The following PIP5K1C variants were observed in gnomAD, a reference collection of about 807,000 sequenced individuals.
PIP5K1C encodes the protein phosphatidylinositol-4-phosphate 5-kinase type 1 gamma, also known as phosphatidylinositol 4-phosphate 5-kinase type-1 gamma.
A neutral mutation model predicts 80.1 loss-of-function variants in PIP5K1C; 45 were observed. The observed-to-expected ratio is 0.56, with a 90% CI of 0.44 to 0.72. PIP5K1C has a LOEUF of 0.72. Ranked by LOEUF, PIP5K1C falls within the 30% of genes least tolerant of loss-of-function variation. PIP5K1C has a pLI of 0.00. For synonymous variants in PIP5K1C, 498 were observed against 420.1 expected, an observed-to-expected ratio of 1.19 and a Z score of -2.27; for missense variants, 753 against 954.6, an observed-to-expected ratio of 0.79 and a Z score of 2.78.
intron 5 of PIP5K1C, 85 bp from the exon 6 acceptor site, chr19:3,656,642 G>C: frequency 6.7e-7 from 1 of 1,487,580 alleles, no homozygotes; most frequent in Non-Finnish European, 9.3e-7. Flanking sequence ...AACAGCCCCA[G>C]GAACTGATGA....
chr19:3,660,056 G>C (rs2034779566), intron 5 of PIP5K1C, among the ~76,000 whole-genome samples: 1 of 152,182 alleles, frequency 6.6e-6, no homozygotes, highest in South Asian at 2.1e-4. Context: ...TGATGGCGCA[G>C]GTTGGATGCC....
At chr19:3,655,147 G>A (rs960356890) in intron 6 of PIP5K1C, among the ~76,000 whole-genome samples, 9 of 142,518 alleles carry the variant, frequency 6.3e-5, no homozygotes, top group East Asian at 2.1e-4. Context: ...GGCCAGGCGC[G>A]GTGGCTCACG....
chr19:3,647,200 AGGAG>A (rs1187149450), intron 10 of PIP5K1C, 134 bp downstream of exon 10: 1 of 655,194 alleles, frequency 1.5e-6, no homozygotes, highest in Admixed American at 2.5e-5. Flanking sequence ...AGGCACTCAC[AGGAG>A]GAGGAGGGAT....
In PIP5K1C at chr19:3,661,959, C is replaced by T. The variant is rs2301850; in HGVS notation, c.262G>A (p.Gly88Ser). ...TLKGAIQLGIGYTVGHLSSKP... is the reference protein window; with the variant it reads ...TLKGAIQLGISYTVGHLSSKP... ...GAGCTCAGGTGGCCCACGGTGTAGC[C>T]GATGCCCAGCTGGATGGCACCCTTC... Residue 88 changes from glycine to serine, a missense_variant, in exon 4 of 18, where the codon GGC (glycine) becomes AGC (serine). Transcript: ENST00000335312. 47 of 1,610,170 alleles carry T rather than the reference C, an allele frequency of 2.9e-5. No homozygotes were observed. Among genetic ancestry groups the T allele is most frequent in the East Asian group, 4.5e-5 (2 of 44,732 alleles).
intron 5 of PIP5K1C, among the ~76,000 whole-genome samples, chr19:3,659,728 G>T (rs1409875442): frequency 3.9e-5 from 6 of 152,306 alleles, no homozygotes; most frequent in African/African-American, 1.2e-4. Flanking sequence ...GCGGGGGAGG[G>T]GGGGGTGTCA....
intron 1 of PIP5K1C, among the ~76,000 whole-genome samples, chr19:3,693,639 C>A (rs1299922354): frequency 6.6e-6 from 1 of 152,238 alleles, no homozygotes; most frequent in Admixed American, 6.5e-5. Flanking sequence ...TGTGTGGACT[C>A]TCCAGCCCTC....
intron 11 of PIP5K1C, 71 bp downstream of exon 11, chr19:3,645,903 T>C (rs1476459231): frequency 8.4e-7 from 1 of 1,191,014 alleles, no homozygotes; most frequent in East Asian, 2.3e-5. Flanking sequence ...TCCCGCAGAG[T>C]CCCTCCTGCC....
At chr19:3,658,158 T>C (rs536105415) in intron 5 of PIP5K1C, among the ~76,000 whole-genome samples, 1 of 152,162 alleles carries the variant, frequency 6.6e-6, no homozygotes, top group Non-Finnish European at 1.5e-5. Flanking sequence ...CTGCCCGAGG[T>C]GCTCTCGGGC....
intron 16 of PIP5K1C, among the ~76,000 whole-genome samples, chr19:3,635,113 C>T (rs563676892): frequency 2.0e-5 from 3 of 152,354 alleles, no homozygotes; most frequent in African/African-American, 7.2e-5. Flanking sequence ...AAAACAGGGT[C>T]CCCACCTGAG....
chr19:3,659,670 C>T (rs1309542434), intron 5 of PIP5K1C, among the ~76,000 whole-genome samples: 1 of 152,176 alleles, frequency 6.6e-6, no homozygotes, highest in Non-Finnish European at 1.5e-5. Context: ...GCGACACGAC[C>T]CGGAGCATGG....
At chr19:3,669,920 C>T (rs1050129830) in intron 1 of PIP5K1C, 1 of 152,308 alleles carries the variant, frequency 6.6e-6, no homozygotes, top group East Asian at 1.9e-4. Flanking sequence ...GGAGACAAGA[C>T]GAAGGCACGA....
chr19:3,693,715 C>T, intron 1 of PIP5K1C, among the ~76,000 whole-genome samples: 1 of 136,668 alleles, frequency 7.3e-6, no homozygotes, highest in East Asian at 2.1e-4. Flanking sequence ...GGGGCTAGGG[C>T]CTCACCCATC....
intron 1 of PIP5K1C, among the ~76,000 whole-genome samples, chr19:3,698,959 G>A (rs1221136296): frequency 7.4e-4 from 7 of 9,508 alleles, no homozygotes; most frequent in African/African-American, 2.9e-3. Flanking sequence ...CCACTCCCCC[G>A]CTCTCCCACC....
At chr19:3,682,698 TA>T (rs2035624654) in intron 1 of PIP5K1C, among the ~76,000 whole-genome samples, 1 of 151,504 alleles carries the variant, frequency 6.6e-6, no homozygotes, top group Non-Finnish European at 1.5e-5. Context: ...ATAAAAAAAT[TA>T]AAAAAATAAA....
chr19:3,655,301 C>T lies in PIP5K1C; in HGVS notation c.621+1104G>A, dbSNP rs1256375639. On this transcript the variant is annotated intron_variant, in intron 6 of 17. Coordinates refer to ENST00000335312, the MANE Select transcript of PIP5K1C (RefSeq NM_012398.3). ...GGCGTGGTGGCGGGCGCCTGTAGTC[C>T]CAGCTACTCGGGAGGCTGAGGCAGG... is the stretch of plus-strand genomic sequence containing the variant. 9.1e-5 allele frequency among the ~76,000 whole-genome samples: 13 copies of T among 142,264 alleles called. No individual in the cohort carries two copies. The East Asian group carries it at 2.8e-3, about 31-fold the overall frequency. The allele number at this position is 142,264 out of a possible 152,430, so 93.3% of individuals were successfully genotyped here.
At chr19:3,638,840 G>A (rs756165842) in intron 16 of PIP5K1C, 44 bp downstream of exon 16, 1 of 1,611,394 alleles carries the variant, frequency 6.2e-7, no homozygotes, top group Non-Finnish European at 8.5e-7. Context: ...GTGAGAGAGA[G>A]TCCGGTTGAC....
At chr19:3,646,928 G>A (rs992265430) in intron 10 of PIP5K1C, among the ~76,000 whole-genome samples, 9 of 150,478 alleles carry the variant, frequency 6.0e-5, no homozygotes, top group Non-Finnish European at 3.0e-5. Flanking sequence ...GGGAGGAGGG[G>A]TGCAGGCACT....
chr19:3,666,610 C>T (rs1265626373), intron 2 of PIP5K1C, among the ~76,000 whole-genome samples: 1 of 151,960 alleles, frequency 6.6e-6, no homozygotes, highest in Non-Finnish European at 1.5e-5. Context: ...CGTGCACACA[C>T]GCACGTAGGC....
At chr19:3,639,226 G>A (rs2033852352) in intron 15 of PIP5K1C, among the ~76,000 whole-genome samples, 2 of 152,210 alleles carry the variant, frequency 1.3e-5, no homozygotes, top group Non-Finnish European at 1.5e-5. Context: ...GGCCCCAGGA[G>A]TGACCTGGAG....
Sources: gnomAD v4.1 joint callset for allele counts (sites outside exome capture counted in the v4.1 genomes callset) on GRCh38, gnomAD v4.1.1 for gene constraint, MANE v1.5 for transcripts, NCBI Gene and HGNC (gene_info 2026-07-23, HGNC 2026-07-21) for gene names.